The following MRO variants were observed in gnomAD, a reference collection of about 807,000 sequenced individuals.
The protein encoded by MRO is protein maestro.
A neutral mutation model predicts 31.0 loss-of-function variants in MRO; 28 were observed. That is an observed-to-expected ratio of 0.90 (90% confidence interval 0.67 to 1.24). The LOEUF (loss-of-function observed/expected upper bound fraction) is 1.24. Among genes scored for constraint, MRO ranks in the 50% most tolerant of loss-of-function variants. The pLI is 0.00. For synonymous variants in MRO, 108 were observed against 108.4 expected (o/e 1.00, Z 0.02); for missense variants, 332 against 289.2 (o/e 1.15, Z -1.07).
chr18:50,824,706 G>A (rs1208933461), upstream of MRO, among the ~76,000 whole-genome samples: 2 of 147,998 alleles, frequency 1.4e-5, no homozygotes, highest in African/African-American at 2.5e-5. Flanking sequence ...CGCCCACCTC[G>A]GCCTCCCAAA....
chr18:50,809,519 C>G, intron 2 of MRO, 115 bp from the exon 3 acceptor site: 1 of 640,774 alleles, frequency 1.6e-6, no homozygotes, highest in South Asian at 2.2e-5. Context: ...ATCCTGAGGC[C>G]TGTCTTTAGG....
upstream of MRO, among the ~76,000 whole-genome samples, chr18:50,824,524 G>A (rs1196480543): frequency 5.4e-5 from 8 of 147,658 alleles, no homozygotes; most frequent in Admixed American, 1.4e-4. Flanking sequence ...TTGCGATCTC[G>A]GCTCACTGCA....
At chr18:50,813,120 G>C (rs1914606024) in intron 2 of MRO, among the ~76,000 whole-genome samples, 1 of 152,156 alleles carries the variant, frequency 6.6e-6, no homozygotes, top group Non-Finnish European at 1.5e-5. Context: ...GGTGCATGGG[G>C]ACTCGGTTTC....
Position 50,805,222 on chromosome 18 carries a change from T to A in MRO, c.361A>T (p.Ile121Phe). The stretch of plus-strand genomic sequence containing the variant: ...AAGGAACCCAAACCTTTCCCCTGGA[T>A]CTTGCCCAGAACGACGGTCAGAGTC... ...MKTLTVVLGK[I>F]QGKGLGSFFI... The change falls in exon 5 of 8, where the codon ATC becomes TTC. Residue 121 changes from isoleucine to phenylalanine, a missense_variant. Transcript: ENST00000398439. 1 of 1,614,052 alleles carries A rather than the reference T, an allele frequency of 6.2e-7. No individual in the cohort carries two copies. The highest frequency in any genetic ancestry group is 1.1e-5 in the South Asian group (1 of 91,068).
At chr18:50,822,046 G>A (rs1915323022), upstream of MRO, among the ~76,000 whole-genome samples, 1 of 152,170 alleles carries the variant, frequency 6.6e-6, no homozygotes, top group Non-Finnish European at 1.5e-5. Context: ...GGGCAAGTTT[G>A]ATAATTTGAT....
intron 2 of MRO, among the ~76,000 whole-genome samples, chr18:50,809,782 TCAGTA>T (rs768852535): frequency 6.6e-6 from 1 of 152,154 alleles, no homozygotes; most frequent in Non-Finnish European, 1.5e-5. Context: ...AGAATGTAAA[TCAGTA>T]CCTCTTTTTA....
At position 50,809,328 on chromosome 18, in the gene MRO, T is replaced by C. The variant is rs1397140319; in HGVS notation, c.73A>G (p.Thr25Ala). 25 of 1,613,748 alleles carry C rather than the reference T, an allele frequency of 1.5e-5. No homozygotes were observed. Among genetic ancestry groups the C allele is most frequent in the Non-Finnish European group, 2.0e-5 (24 of 1,179,802 alleles). ...IPTSQPKQKR[T>A]SMISFFSKVS... is the part of the protein sequence containing the mutation. The stretch of plus-strand genomic sequence containing the variant: ...TTGGAAAAGAAAGATATCATTGATG[T>C]CCTTTTCTGCTTGGGCTGGGAAGTA... Residue 25 changes from threonine to alanine, a missense_variant, in exon 3 of 8, where the codon ACA becomes GCA. By Grantham distance (58) the Thr-to-Ala change is moderately conservative (BLOSUM62 0). Transcript: ENST00000398439.
chr18:50,819,525 T>C (rs2144680254), intron 2 of MRO, 56 bp downstream of exon 2: 1 of 1,545,068 alleles, frequency 6.5e-7, no homozygotes. Flanking sequence ...GGAACCCAAG[T>C]GCAGCCAGGA....
At chr18:50,800,895 A>AAAAG (rs1234006641) in intron 6 of MRO, among the ~76,000 whole-genome samples, 2 of 151,840 alleles carry the variant, frequency 1.3e-5, no homozygotes, top group African/African-American at 4.8e-5. Flanking sequence ...AAAAAAAAAA[A>AAAAG]AAAGAAAGAA....
chr18:50,824,333 T>C (rs1355121413), upstream of MRO, among the ~76,000 whole-genome samples: 1 of 152,002 alleles, frequency 6.6e-6, no homozygotes, highest in Non-Finnish European at 1.5e-5. Flanking sequence ...CCTAGCTACT[T>C]AGGAGGCTAA....
At chr18:50,824,559 A>C (rs1478718952), upstream of MRO, among the ~76,000 whole-genome samples, 2 of 149,762 alleles carry the variant, frequency 1.3e-5, no homozygotes, top group African/African-American at 2.5e-5. Flanking sequence ...GGTTCAAGCA[A>C]TTTTCCTGCC....
intron 3 of MRO, among the ~76,000 whole-genome samples, chr18:50,808,863 C>A (rs193167319): frequency 6.6e-6 from 1 of 151,534 alleles, no homozygotes; most frequent in South Asian, 2.1e-4. Flanking sequence ...GTCGGCCGGG[C>A]GCGGTGGCTC....
intron 5 of MRO, among the ~76,000 whole-genome samples, chr18:50,802,776 C>T (rs1198861745): frequency 6.6e-6 from 1 of 151,878 alleles, no homozygotes; most frequent in East Asian, 1.9e-4. Flanking sequence ...CCCAGGCTGG[C>T]CTCCAACTCC....
In MRO at chr18:50,798,521, G is replaced by A. The variant is rs1912976865; in HGVS notation, c.*816C>T. The A allele has an allele frequency of 6.6e-6, 1 of 152,114 alleles. No individual in the cohort carries two copies. The highest frequency in any genetic ancestry group is 1.5e-5 in the Non-Finnish European group (1 of 68,024). 9.4% of individuals were successfully genotyped at this position (152,114 alleles called of 1,614,324 possible). ...GCTCCACTGTTTACTGAGTTATCTG[G>A]GGAAAGTTACCTAATTTCCCTATGT... On this transcript the variant is annotated 3_prime_UTR_variant, in exon 8 of 8. Transcript: ENST00000398439.
Position 50,820,004 on chromosome 18 carries a change from A to C in MRO, c.-234T>G. 2 of 1,525,124 alleles carry C rather than the reference A, an allele frequency of 1.3e-6. No individual in the cohort carries two copies. The highest frequency in any genetic ancestry group is 1.8e-6 in the Non-Finnish European group (2 of 1,123,684). 94.5% of individuals were successfully genotyped at this position (1,525,124 alleles called of 1,614,324 possible). The stretch of plus-strand genomic sequence containing the variant: ...TCGACACTTTCTGCAGAAATTCTGC[A>C]GATGGCAATTCTGGGGACCTTTCCT... On this transcript the variant is annotated 5_prime_UTR_variant, in exon 1 of 8. Transcript: ENST00000398439.
intron 2 of MRO, 74 bp from the exon 3 acceptor site, chr18:50,809,478 T>A: frequency 9.9e-7 from 1 of 1,010,370 alleles, no homozygotes; most frequent in Non-Finnish European, 1.5e-6. Context: ...TACAATGCAT[T>A]GTGCTGGGGT....
chr18:50,805,080 C>T (rs577018241), intron 5 of MRO, 74 bp downstream of exon 5: 28 of 1,321,990 alleles, frequency 2.1e-5, no homozygotes, highest in African/African-American at 8.7e-5. Context: ...CATGAGCCAC[C>T]GCACCCGGCC....
intron 3 of MRO, among the ~76,000 whole-genome samples, chr18:50,807,237 C>T (rs573302400): frequency 1.3e-5 from 2 of 152,252 alleles, no homozygotes; most frequent in African/African-American, 4.8e-5. Flanking sequence ...CCCTTTACCC[C>T]TTCTTCTCCA....
chr18:50,799,510 A>G lies in MRO; in HGVS notation c.694-120T>C, dbSNP rs1913086442. ...GATAAGCAGGAGAGGTGGAGGCATC[A>G]TCTGTATCCAGCTAGTGACCTGAAT... On this transcript the variant is annotated intron_variant, in intron 7 of 7. Transcript: ENST00000398439. 1.8e-5 allele frequency: 15 copies of G among 830,938 alleles called. No homozygotes were observed. The East Asian group carries it at 3.7e-4, about 20-fold the overall frequency. 51.5% of individuals were successfully genotyped at this position (830,938 alleles called of 1,614,324 possible).
Sources: allele counts gnomAD v4.1 joint callset (sites outside exome capture counted in the v4.1 genomes callset), GRCh38; gene constraint gnomAD v4.1.1; transcripts MANE v1.5; gene names NCBI Gene and HGNC (gene_info 2026-07-23, HGNC 2026-07-21).